MIAT: variants seen among roughly 807,000 people sequenced by gnomAD.
MIAT encodes myocardial infarction associated transcript.
At chr22:26,656,640 T>C (rs1230613790) in intron 2 of MIAT, among the ~76,000 whole-genome samples, 1 of 152,182 alleles carries the variant, frequency 6.6e-6, no homozygotes, top group Admixed American at 6.5e-5. Context: ...TCTAACACGT[T>C]CTCAAGCAAT....
downstream of MIAT, chr22:26,674,046 A>T (rs1931169731): frequency 2.5e-6 from 1 of 398,540 alleles, no homozygotes; most frequent in African/African-American, 2.1e-5. Context: ...TTTTGTATAG[A>T]GTCACCCTTC....
chr22:26,668,382 C>A lies in MIAT; in HGVS notation n.2487C>A, dbSNP rs1267245978. ...GATGCTCAGCAGATGACTGATCTGG[C>A]TCTGGAGGACAGCTCCAGGGGTATG... On this transcript the variant is annotated non_coding_transcript_exon_variant, in exon 6 of 6. Transcript: ENST00000643270. 7.5e-6 allele frequency: 3 copies of A among 398,710 alleles called. No individual in the cohort carries two copies. In the East Asian group the frequency reaches 1.1e-4, roughly 14 times the overall value. 24.7% of individuals were successfully genotyped at this position (398,710 alleles called of 1,614,324 possible). A position where few individuals can be genotyped will look rare whatever the true frequency, so the allele number is the denominator to read the frequency against.
chr22:26,673,927 G>C (rs1390260128), downstream of MIAT: 1 of 398,522 alleles, frequency 2.5e-6, no homozygotes, highest in African/African-American at 2.1e-5. Flanking sequence ...TCTGCATTTG[G>C]TTTCAGTTCT....
At chr22:26,657,636 G>A in intron 2 of MIAT, 1 of 398,784 alleles carries the variant, frequency 2.5e-6, no homozygotes, top group Admixed American at 4.4e-5. Flanking sequence ...CACTAGCGCC[G>A]CAGGACCGCG....
At chr22:26,674,553 G>T (rs1602377335), downstream of MIAT, 1 of 398,702 alleles carries the variant, frequency 2.5e-6, no homozygotes, top group Non-Finnish European at 4.4e-6. Flanking sequence ...CCTTTTCTCT[G>T]GCAACTGTGG....
In MIAT at chr22:26,662,443, T is replaced by A. The variant is rs115047035; in HGVS notation, n.647-873T>A. 7.4e-3 allele frequency among the ~76,000 whole-genome samples: 1,121 copies of A among 152,296 alleles called. 19 individuals carry two copies. Among genetic ancestry groups the A allele is most frequent in the African/African-American group, 0.025 (1,054 of 41,554 alleles). On this transcript the variant is annotated intron_variant and non_coding_transcript_variant, in intron 2 of 5. Transcript: ENST00000643270. ...AGCATCTGTTCTTAATAAGTGTTAG[T>A]TTAGCTTTCTTTTCCTTCTTCTTGG...
intron 5 of MIAT, among the ~76,000 whole-genome samples, chr22:26,667,487 T>C (rs1026259812): frequency 2.6e-5 from 4 of 151,940 alleles, no homozygotes; most frequent in Non-Finnish European, 4.4e-5. Flanking sequence ...AGTGGGAATG[T>C]TGTAAAATGA....
At chr22:26,669,337 TG>T in exon 6 of MIAT, 1 of 398,830 alleles carries the variant, frequency 2.5e-6, no homozygotes, top group East Asian at 3.6e-5. Context: ...TTCTGGAGGC[TG>T]GAAAGTCCAG....
chr22:26,654,799 C>T (rs1379208341), intron 2 of MIAT, among the ~76,000 whole-genome samples: 1 of 152,092 alleles, frequency 6.6e-6, no homozygotes, highest in Non-Finnish European at 1.5e-5. Flanking sequence ...GCAAGCTCCG[C>T]CTCCTGGGTT....
At chr22:26,659,812 TTTTTTCTTTTTC>T (rs1930594860) in intron 2 of MIAT, among the ~76,000 whole-genome samples, 1 of 146,114 alleles carries the variant, frequency 6.8e-6, no homozygotes, top group African/African-American at 2.5e-5. Context: ...TCCATTTTCT[TTTTTTCTTTTTC>T]TTTCTTTCTT....
At chr22:26,675,764 G>T (rs894339563) in exon 5 of MIAT, 2 of 398,574 alleles carry the variant, frequency 5.0e-6, no homozygotes, top group African/African-American at 2.1e-5. Context: ...TGGGGAGGGA[G>T]CCCATTTGTC....
At chr22:26,661,959 T>TAG (rs1247033062) in intron 2 of MIAT, among the ~76,000 whole-genome samples, 4 of 54,322 alleles carry the variant, frequency 7.4e-5, no homozygotes, top group Non-Finnish European at 1.7e-4. Context: ...TATATATATA[T>TAG]ATACACACAC....
chr22:26,667,479 T>C (rs1200186633), intron 5 of MIAT, among the ~76,000 whole-genome samples: 1 of 151,904 alleles, frequency 6.6e-6, no homozygotes, highest in Non-Finnish European at 1.5e-5. Flanking sequence ...ATCCTCCCAG[T>C]GGGAATGTTG....
At chr22:26,675,641 A>G (rs1931234264) in exon 5 of MIAT, 1 of 398,568 alleles carries the variant, frequency 2.5e-6, no homozygotes, top group Non-Finnish European at 4.4e-6. Flanking sequence ...GTGAAAATAA[A>G]GGCTCGGAAG....
chr22:26,657,551 G>T, intron 2 of MIAT: 1 of 398,808 alleles, frequency 2.5e-6, no homozygotes. Context: ...AGTGCGGGGA[G>T]GAGTTTGAGA....
chr22:26,661,244 C>A (rs888334415), intron 2 of MIAT, among the ~76,000 whole-genome samples: 2 of 152,184 alleles, frequency 1.3e-5, no homozygotes, highest in Admixed American at 6.5e-5. Context: ...TGAGGCCTGA[C>A]TCATCTGTCA....
intron 2 of MIAT, among the ~76,000 whole-genome samples, chr22:26,656,410 C>T (rs1303822607): frequency 6.6e-6 from 1 of 151,522 alleles, no homozygotes; most frequent in East Asian, 1.9e-4. Flanking sequence ...CTGCAACCTC[C>T]GCCTCCCGGG....
chr22:26,660,461 C>CAAAA (rs58234097), intron 2 of MIAT, among the ~76,000 whole-genome samples: 6 of 107,180 alleles, frequency 5.6e-5, no homozygotes, highest in East Asian at 2.6e-4. Flanking sequence ...GAGACTATCT[C>CAAAA]AAAAAAAAAA....
At chr22:26,664,979 G>A (rs574258617) in intron 3 of MIAT, among the ~76,000 whole-genome samples, 42 of 152,286 alleles carry the variant, frequency 2.8e-4, no homozygotes, top group African/African-American at 9.9e-4. Context: ...GCTCATGCCT[G>A]TAATCCCAGC....
Sources: gnomAD v4.1 joint callset for allele counts (sites outside exome capture counted in the v4.1 genomes callset) on GRCh38, gnomAD v4.1.1 for gene constraint, MANE v1.5 for transcripts, NCBI Gene and HGNC (gene_info 2026-07-23, HGNC 2026-07-21) for gene names.